NUDT3: variants seen among roughly 807,000 people sequenced by gnomAD.
NUDT3 encodes nudix hydrolase 3.
A neutral mutation model predicts 23.6 loss-of-function variants in NUDT3; 9 were observed. The ratio of observed to expected loss-of-function variants is 0.38; its 90% CI spans 0.23 to 0.66. The LOEUF (loss-of-function observed/expected upper bound fraction) is 0.66. Ranked by LOEUF, NUDT3 falls within the 30% of genes least tolerant of loss-of-function variation. NUDT3 has a pLI of 0.52. For missense variants in NUDT3, 172 were observed against 218.5 expected (o/e 0.79, Z 1.34); for synonymous variants, 86 against 82.6 (o/e 1.04, Z -0.22).
At position 34,329,207 on chromosome 6, in the gene NUDT3, T is replaced by G. The variant is rs188324188; in HGVS notation, c.210+12655A>C. Reference sequence around the variant, plus strand: ...GCTCTGTGTGTGTTGTGTATATATATAGAGAGATATACATAAAAATACATA... The same window carrying G: ...GCTCTGTGTGTGTTGTGTATATATAGAGAGAGATATACATAAAAATACATA... On this transcript the variant is annotated intron_variant, in intron 2 of 4. Coordinates refer to ENST00000607016, the MANE Select transcript of NUDT3 (RefSeq NM_006703.4). Among the ~76,000 whole-genome samples the G allele has an allele frequency of 2.2e-3, 338 of 152,250 alleles. 3 individuals carry two copies. Among genetic ancestry groups the G allele is most frequent in the Middle Eastern group, 0.014 (4 of 294 alleles).
chr6:34,381,093 T>C (rs538533455), intron 1 of NUDT3, among the ~76,000 whole-genome samples: 108 of 152,300 alleles, frequency 7.1e-4, no homozygotes, highest in African/African-American at 2.5e-3. Flanking sequence ...CATGACTTAC[T>C]GCAGCCTTGA....
chr6:34,318,108 T>C (rs1001049772), intron 2 of NUDT3, among the ~76,000 whole-genome samples: 2 of 152,176 alleles, frequency 1.3e-5, no homozygotes, highest in African/African-American at 2.4e-5. Context: ...TTCATTTCCT[T>C]GTACCCAAGG....
At chr6:34,296,439 T>C (rs1183288159) in intron 2 of NUDT3, among the ~76,000 whole-genome samples, 1 of 151,480 alleles carries the variant, frequency 6.6e-6, no homozygotes, top group Non-Finnish European at 1.5e-5. Flanking sequence ...TTGGGTGTGA[T>C]GGTGCATGCC....
rs142408068 is a variant in NUDT3 at position 34,366,322 on chromosome 6, G to C, written c.100-24350C>G. On this transcript the variant is annotated intron_variant, in intron 1 of 4. Coordinates refer to ENST00000607016, the MANE Select transcript of NUDT3 (RefSeq NM_006703.4). ...GCTGAGGAGGTTGAGACTGCAGTGA[G>C]TCATGATTTTGCCACTGCACTCTAG... Among the ~76,000 whole-genome samples the C allele has an allele frequency of 6.5e-3, 984 of 151,400 alleles. 7 individuals carry two copies. The highest frequency in any genetic ancestry group is 0.024 in the Middle Eastern group (7 of 290).
intron 1 of NUDT3, among the ~76,000 whole-genome samples, chr6:34,375,023 C>T (rs1348126875): frequency 6.6e-6 from 1 of 152,246 alleles, no homozygotes; most frequent in South Asian, 2.1e-4. Flanking sequence ...ATATAAATTC[C>T]ACCTCCTTTT....
At chr6:34,388,677 C>T (rs547122755) in intron 1 of NUDT3, among the ~76,000 whole-genome samples, 1 of 152,182 alleles carries the variant, frequency 6.6e-6, no homozygotes, top group South Asian at 2.1e-4. Context: ...AACTACTCAA[C>T]TCTGTCTGCA....
chr6:34,367,966 G>C (rs1185262620), intron 1 of NUDT3, among the ~76,000 whole-genome samples: 1 of 152,198 alleles, frequency 6.6e-6, no homozygotes, highest in Non-Finnish European at 1.5e-5. Flanking sequence ...ACTTTGGGAG[G>C]CTGAGGCAGG....
chr6:34,314,294 T>C (rs1224585391), intron 2 of NUDT3, among the ~76,000 whole-genome samples: 1 of 151,216 alleles, frequency 6.6e-6, no homozygotes, highest in Non-Finnish European at 1.5e-5. Flanking sequence ...GGCTCACACC[T>C]GTAATCCCAG....
intron 1 of NUDT3, among the ~76,000 whole-genome samples, chr6:34,387,180 T>A (rs555959686): frequency 1.3e-5 from 2 of 152,344 alleles, no homozygotes; most frequent in East Asian, 3.9e-4. Context: ...AAATGACTAT[T>A]ACTGGTTTCT....
chr6:34,317,365 A>G (rs577991838), intron 2 of NUDT3, among the ~76,000 whole-genome samples: 1 of 152,270 alleles, frequency 6.6e-6, no homozygotes, highest in South Asian at 2.1e-4. Context: ...CTGTATTTAA[A>G]GCCTCCAGAT....
chr6:34,384,558 G>C (rs901471000), intron 1 of NUDT3, among the ~76,000 whole-genome samples: 2 of 152,156 alleles, frequency 1.3e-5, no homozygotes, highest in African/African-American at 2.4e-5. Flanking sequence ...CTCTAAAAAA[G>C]GAAAGGCTGG....
At chr6:34,360,728 T>C (rs573884590) in intron 1 of NUDT3, among the ~76,000 whole-genome samples, 100 of 152,130 alleles carry the variant, frequency 6.6e-4, no homozygotes, top group Middle Eastern at 3.4e-3. Context: ...AGTTTTTTTT[T>C]CCCCTGGAAA....
chr6:34,290,133 A>G (rs567402991), intron 4 of NUDT3, among the ~76,000 whole-genome samples: 1 of 152,336 alleles, frequency 6.6e-6, no homozygotes, highest in Admixed American at 6.5e-5. Context: ...ATTAGTATGG[A>G]AAGCACCTGA....
At chr6:34,364,090 G>A (rs1764690124) in intron 1 of NUDT3, among the ~76,000 whole-genome samples, 1 of 152,112 alleles carries the variant, frequency 6.6e-6, no homozygotes, top group Non-Finnish European at 1.5e-5. Flanking sequence ...ACCATGATCT[G>A]TTTTAAGTAA....
intron 2 of NUDT3, among the ~76,000 whole-genome samples, chr6:34,334,447 C>G (rs567326188): frequency 1.3e-5 from 2 of 151,392 alleles, no homozygotes; most frequent in East Asian, 3.9e-4. Flanking sequence ...AGAGACCAGC[C>G]TGACCAACAT....
Position 34,302,689 on chromosome 6 carries a change from G to A in NUDT3, c.211-7004C>T, listed in dbSNP as rs750020416. On this transcript the variant is annotated intron_variant, in intron 2 of 4. Transcript: ENST00000607016. ...GGAGATTGCAGTGAGCCAAGATTGC[G>A]CCACTGCACTCCAGCCTGGGTGACA... Among the ~76,000 whole-genome samples the A allele has an allele frequency of 2.1e-3, 315 of 152,232 alleles. 1 individual carries two copies. Among genetic ancestry groups the A allele is most frequent in the Non-Finnish European group, 2.6e-3 (177 of 68,006 alleles).
intron 2 of NUDT3, among the ~76,000 whole-genome samples, chr6:34,330,807 G>GA (rs1353312621): frequency 6.6e-6 from 1 of 151,566 alleles, no homozygotes; most frequent in African/African-American, 2.4e-5. Flanking sequence ...TCTCCAAAAA[G>GA]AAAAAAAGAA....
intron 1 of NUDT3, among the ~76,000 whole-genome samples, chr6:34,360,142 T>C (rs1189567911): frequency 6.9e-6 from 1 of 145,730 alleles, no homozygotes; most frequent in Admixed American, 7.1e-5. Context: ...GGAAGGAAGA[T>C]CACCTGAGCC....
chr6:34,363,941 A>T (rs151226101), intron 1 of NUDT3, among the ~76,000 whole-genome samples: 14,655 of 151,850 alleles, frequency 0.097, 809 homozygotes, highest in Non-Finnish European at 0.12. Flanking sequence ...CCCAGCTAAT[A>T]TTTGTATTTT....
Sources: allele counts gnomAD v4.1 joint callset (sites outside exome capture counted in the v4.1 genomes callset), GRCh38; gene constraint gnomAD v4.1.1; transcripts MANE v1.5; gene names NCBI Gene and HGNC (gene_info 2026-07-23, HGNC 2026-07-21).